The following CDC45 variants were observed in gnomAD, a reference collection of about 807,000 sequenced individuals.
CDC45 encodes the protein cell division control protein 45 homolog.
In CDC45, 54 loss-of-function variants were observed where a neutral mutation model predicts 77.8. The ratio of observed to expected loss-of-function variants is 0.69; its 90% CI spans 0.56 to 0.87. The LOEUF (loss-of-function observed/expected upper bound fraction) is 0.87. Among genes scored for constraint, CDC45 ranks in the 40% least tolerant of loss-of-function variants. The probability of loss-of-function intolerance (pLI) is 0.00; values close to 1 mark genes in which losing one functional copy is unlikely to be tolerated. For synonymous variants in CDC45, 260 were observed against 272.1 expected, an observed-to-expected ratio of 0.96 and a Z score of 0.44; for missense variants, 649 against 721.6, an observed-to-expected ratio of 0.90 and a Z score of 1.15.
At chr22:19,497,695 T>G (rs1348671824) in intron 8 of CDC45, among the ~76,000 whole-genome samples, 5 of 152,144 alleles carry the variant, frequency 3.3e-5, no homozygotes, top group African/African-American at 1.2e-4. Context: ...CAGCTTCACC[T>G]TCCCCACTCC....
chr22:19,502,066 CTTAAAG>C (rs1201682763), intron 9 of CDC45, among the ~76,000 whole-genome samples: 2 of 152,138 alleles, frequency 1.3e-5, no homozygotes, highest in African/African-American at 4.8e-5. Context: ...ACCTAAGAAC[CTTAAAG>C]TTAAATGCAT....
chr22:19,516,454 G>A, intron 15 of CDC45, 73 bp from the exon 16 acceptor site: 1 of 1,278,846 alleles, frequency 7.8e-7, no homozygotes, highest in Non-Finnish European at 1.1e-6. Flanking sequence ...ACTGGGCGCT[G>A]TTGGGCTCTG....
At chr22:19,495,530 A>G (rs1399201148) in intron 6 of CDC45, among the ~76,000 whole-genome samples, 3 of 152,254 alleles carry the variant, frequency 2.0e-5, no homozygotes, top group African/African-American at 7.2e-5. Context: ...TAAAGAGTCA[A>G]TAAGTGGCCA....
chr22:19,494,682 A>C, intron 6 of CDC45: 1 of 978,068 alleles, frequency 1.0e-6, no homozygotes, highest in Non-Finnish European at 1.6e-6. Context: ...TTTGATTTAC[A>C]AATTATTTAT....
At chr22:19,505,557 G>A (rs1933123505) in intron 10 of CDC45, 76 bp downstream of exon 10, 17 of 1,551,164 alleles carry the variant, frequency 1.1e-5, no homozygotes, top group Non-Finnish European at 1.5e-5. Flanking sequence ...GTCACCCTCT[G>A]TGGGTTCTGG....
In CDC45 at chr22:19,507,761, T is replaced by G. The variant is rs762616868; in HGVS notation, c.957-5T>G. On this transcript the variant is annotated splice_region_variant and splice_polypyrimidine_tract_variant and intron_variant, in intron 11 of 18. Coordinates refer to ENST00000263201, the MANE Select transcript of CDC45 (RefSeq NM_003504.5). ...ACTCATGTGGCTTGGGCTTGCTCTT[T>G]CCAGTCTTCCCCTGAAGCAGGTGAA... is the stretch of plus-strand genomic sequence containing the variant. 1 of 1,588,702 alleles carries G rather than the reference T, an allele frequency of 6.3e-7. No homozygotes were observed. The highest frequency in any genetic ancestry group is 2.2e-5 in the East Asian group (1 of 44,612).
intron 9 of CDC45, among the ~76,000 whole-genome samples, chr22:19,500,331 A>G (rs13447235): frequency 1.3e-5 from 2 of 152,084 alleles, no homozygotes; most frequent in Non-Finnish European, 2.9e-5. Flanking sequence ...AAACTTTACA[A>G]AATTAATGAG....
intron 18 of CDC45, 56 bp downstream of exon 18, chr22:19,518,965 C>G (rs1394178104): frequency 7.8e-7 from 1 of 1,281,236 alleles, no homozygotes; most frequent in Admixed American, 1.7e-5. Flanking sequence ...GAGCCCGACC[C>G]TGATGCCCTG....
intron 12 of CDC45, among the ~76,000 whole-genome samples, chr22:19,508,153 C>G (rs975080746): frequency 1.3e-5 from 2 of 152,018 alleles, no homozygotes; most frequent in Non-Finnish European, 2.9e-5. Context: ...TGAGGTCGAC[C>G]CCAGTCTGTT....
At chr22:19,502,384 A>G (rs919453408) in intron 9 of CDC45, among the ~76,000 whole-genome samples, 6 of 152,262 alleles carry the variant, frequency 3.9e-5, no homozygotes, top group Non-Finnish European at 8.8e-5. Flanking sequence ...CATGAAGTTG[A>G]AAAATATTTG....
At chr22:19,497,634 A>C (rs2090266246) in intron 8 of CDC45, among the ~76,000 whole-genome samples, 187 bp downstream of exon 8, 1 of 152,180 alleles carries the variant, frequency 6.6e-6, no homozygotes, top group African/African-American at 2.4e-5. Context: ...GGAGCTTCAC[A>C]CAAACATGGG....
chr22:19,487,897 C>T (rs1175693137), intron 5 of CDC45, among the ~76,000 whole-genome samples: 8 of 104,856 alleles, frequency 7.6e-5, no homozygotes, highest in African/African-American at 3.0e-4. Context: ...GGCAACAGAG[C>T]AAGACTCCGT....
At chr22:19,505,323 G>A in intron 9 of CDC45, 39 bp from the exon 10 acceptor site, 2 of 1,613,860 alleles carry the variant, frequency 1.2e-6, no homozygotes, top group Non-Finnish European at 1.7e-6. Flanking sequence ...GTAAGAGCTG[G>A]AGGGAACCAG....
At chr22:19,492,861 C>T (rs1217456877) in intron 5 of CDC45, among the ~76,000 whole-genome samples, 1 of 152,190 alleles carries the variant, frequency 6.6e-6, no homozygotes, top group African/African-American at 2.4e-5. Context: ...TCCCACTTTG[C>T]TGCCTCTTAC....
At position 19,500,856 on chromosome 22, in the gene CDC45, T is replaced by C. The variant is rs143187869; in HGVS notation, c.704+1705T>C. Among the ~76,000 whole-genome samples the C allele has an allele frequency of 6.6e-5, 10 of 152,246 alleles. 1 individual carries two copies. The East Asian group carries it at 1.9e-3, about 29-fold the overall frequency. On this transcript the variant is annotated intron_variant, in intron 9 of 18. Transcript: ENST00000263201. ...GTGTAACAGGTCTGTTACTGCACAG[T>C]GGACATATGGACCGCCTGGTCCTAT...
chr22:19,497,313 C>A, intron 7 of CDC45, 73 bp from the exon 8 acceptor site: 1 of 1,414,964 alleles, frequency 7.1e-7, no homozygotes, highest in South Asian at 1.2e-5. Context: ...TGGCTCAAGT[C>A]CAGTCTGGCT....
intron 2 of CDC45, 119 bp from the exon 3 acceptor site, chr22:19,480,834 A>G (rs1264669638): frequency 3.3e-6 from 2 of 610,800 alleles, no homozygotes; most frequent in Non-Finnish European, 5.8e-6. Flanking sequence ...GCATTTCACT[A>G]GCTTTAATGT....
At chr22:19,516,736 T>A in intron 16 of CDC45, 81 bp from the exon 17 acceptor site, 1 of 972,624 alleles carries the variant, frequency 1.0e-6, no homozygotes, top group Non-Finnish European at 1.5e-6. Flanking sequence ...GGTATTTGCC[T>A]CTAGTGTCTG....
intron 4 of CDC45, 96 bp downstream of exon 4, chr22:19,482,923 C>A: frequency 8.9e-7 from 1 of 1,121,700 alleles, no homozygotes; most frequent in Non-Finnish European, 1.3e-6. Context: ...TCTGACTACC[C>A]TGTGGGACTG....
Sources: gnomAD v4.1 joint callset for allele counts (sites outside exome capture counted in the v4.1 genomes callset) on GRCh38, gnomAD v4.1.1 for gene constraint, MANE v1.5 for transcripts, NCBI Gene and HGNC (gene_info 2026-07-23, HGNC 2026-07-21) for gene names.